AP3B1: variants seen among roughly 807,000 people sequenced by gnomAD.
AP3B1 encodes the protein adaptor related protein complex 3 subunit beta 1, also known as AP-3 complex subunit beta-1.
Under a neutral mutation model 132.5 loss-of-function variants are expected in AP3B1, and 61 were observed. The observed-to-expected ratio is 0.46, with a 90% CI of 0.37 to 0.57. AP3B1 has a LOEUF of 0.57. Among genes scored for constraint, AP3B1 ranks in the 20% least tolerant of loss-of-function variants. AP3B1 has a pLI of 0.00. For missense variants in AP3B1, 1,120 were observed against 1,289.4 expected, an observed-to-expected ratio of 0.87 and a Z score of 2.01; for synonymous variants, 388 against 438.3, an observed-to-expected ratio of 0.89 and a Z score of 1.43.
At chr5:78,201,227 T>C (rs1745276543) in intron 7 of AP3B1, among the ~76,000 whole-genome samples, 1 of 152,184 alleles carries the variant, frequency 6.6e-6, no homozygotes, top group Non-Finnish European at 1.5e-5. Flanking sequence ...ATAATACAAC[T>C]ACTTTGGGAA....
At chr5:78,077,361 A>G (rs541356510) in intron 22 of AP3B1, among the ~76,000 whole-genome samples, 12 of 152,086 alleles carry the variant, frequency 7.9e-5, no homozygotes, top group Non-Finnish European at 1.8e-4. Context: ...ACTGCCCCCC[A>G]TGAATCCCCA....
At chr5:78,186,100 G>GT (rs1230922832) in intron 7 of AP3B1, among the ~76,000 whole-genome samples, 1 of 152,040 alleles carries the variant, frequency 6.6e-6, no homozygotes, top group East Asian at 1.9e-4. Flanking sequence ...GACAAAGGCT[G>GT]GCAAAGTAGA....
At chr5:78,173,011 G>A (rs1362602954) in intron 11 of AP3B1, among the ~76,000 whole-genome samples, 3 of 152,080 alleles carry the variant, frequency 2.0e-5, no homozygotes, top group African/African-American at 4.8e-5. Flanking sequence ...CCTTCATTTC[G>A]TTATTTACCC....
intron 7 of AP3B1, among the ~76,000 whole-genome samples, chr5:78,209,095 T>TACACACAC (rs141012498): frequency 1.3e-5 from 2 of 149,956 alleles, no homozygotes; most frequent in African/African-American, 4.9e-5. Flanking sequence ...GAAAGGTAAA[T>TACACACAC]ACACACACAC....
At chr5:78,229,856 T>C (rs1746569607) in intron 3 of AP3B1, among the ~76,000 whole-genome samples, 1 of 152,206 alleles carries the variant, frequency 6.6e-6, no homozygotes, top group Non-Finnish European at 1.5e-5. Context: ...AACAGTACTA[T>C]ACTGGATCAT....
chr5:78,267,242 GACTA>G (rs1241512168), intron 2 of AP3B1, among the ~76,000 whole-genome samples: 16 of 151,972 alleles, frequency 1.1e-4, no homozygotes, highest in African/African-American at 3.4e-4. Flanking sequence ...TCTTCAAAAT[GACTA>G]ACTACCTCAT....
intron 1 of AP3B1, among the ~76,000 whole-genome samples, chr5:78,289,622 T>C (rs1749425258): frequency 6.6e-6 from 1 of 152,230 alleles, no homozygotes. Flanking sequence ...TATTTGCCCT[T>C]ACTCTACAAC....
chr5:78,162,213 T>A (rs1561448966), intron 13 of AP3B1, among the ~76,000 whole-genome samples: 2 of 152,142 alleles, frequency 1.3e-5, no homozygotes, highest in Non-Finnish European at 2.9e-5. Flanking sequence ...AACTGACGCT[T>A]TGCCACAGAA....
intron 22 of AP3B1, among the ~76,000 whole-genome samples, chr5:78,070,856 A>G (rs894952658): frequency 6.6e-6 from 1 of 152,238 alleles, no homozygotes; most frequent in Non-Finnish European, 1.5e-5. Context: ...CAAAACCACA[A>G]TGAGATACCA....
intron 1 of AP3B1, among the ~76,000 whole-genome samples, chr5:78,278,036 GT>G (rs1175291864): frequency 6.6e-6 from 1 of 152,122 alleles, no homozygotes; most frequent in Non-Finnish European, 1.5e-5. Context: ...CTTCTAGAAT[GT>G]GACTATTCAG....
chr5:78,238,818 A>G (rs1326595018), intron 3 of AP3B1, among the ~76,000 whole-genome samples: 2 of 151,770 alleles, frequency 1.3e-5, no homozygotes, highest in Non-Finnish European at 2.9e-5. Flanking sequence ...CTCAAATCTA[A>G]GCAGATCAAT....
intron 11 of AP3B1, among the ~76,000 whole-genome samples, chr5:78,166,428 C>T (rs1580432698): frequency 6.6e-6 from 1 of 152,190 alleles, no homozygotes; most frequent in Non-Finnish European, 1.5e-5. Context: ...CATGTTAATA[C>T]ATCTGCTTTC....
intron 22 of AP3B1, among the ~76,000 whole-genome samples, chr5:78,088,400 CT>C (rs1217407233): frequency 1.3e-5 from 2 of 152,150 alleles, no homozygotes; most frequent in African/African-American, 4.8e-5. Flanking sequence ...TTCACCTGTA[CT>C]TTCTGAGCGA....
intron 7 of AP3B1, among the ~76,000 whole-genome samples, chr5:78,191,526 T>C (rs1744834089): frequency 6.6e-6 from 1 of 152,100 alleles, no homozygotes; most frequent in Non-Finnish European, 1.5e-5. Context: ...TGGTTTAAAA[T>C]ATAAAATCTA....
At chr5:78,254,899 A>C (rs569514382) in intron 2 of AP3B1, among the ~76,000 whole-genome samples, 2 of 152,284 alleles carry the variant, frequency 1.3e-5, no homozygotes, top group African/African-American at 4.8e-5. Flanking sequence ...TTTTCAGGAC[A>C]TGGTACAATA....
At chr5:78,180,727 A>G (rs1425471798) in intron 8 of AP3B1, among the ~76,000 whole-genome samples, 2 of 152,026 alleles carry the variant, frequency 1.3e-5, no homozygotes, top group Admixed American at 1.3e-4. Flanking sequence ...AAATATATAT[A>G]TATGTATGTG....
intron 22 of AP3B1, among the ~76,000 whole-genome samples, chr5:78,060,226 C>T (rs942556288): frequency 1.3e-5 from 2 of 152,176 alleles, no homozygotes; most frequent in Non-Finnish European, 2.9e-5. Context: ...CTTAAGCATT[C>T]TGCAACCATT....
chr5:78,089,443 T>A lies in AP3B1; in HGVS notation c.2527A>T (p.Met843Leu). ...LPTPALSPSL[M>L]ADLEGLHLST... ...AAGTGTAAACCTTCAAGATCAGCCA[T>A]CAAACTTGGAGAAAGAGCTGGTGTG... Residue 843 changes from methionine to leucine, a missense_variant, in exon 22 of 27, where the codon ATG becomes TTG. By Grantham distance (15) the Met-to-Leu change is conservative. Around this residue, in one of 3 missense-constraint regions of AP3B1, gnomAD observed 906 missense variants for 997.1 expected, o/e 0.91. Coordinates refer to ENST00000255194, the MANE Select transcript of AP3B1 (RefSeq NM_003664.5). 6.2e-7 allele frequency: 1 copy of A among 1,613,522 alleles called. No individual in the cohort carries two copies. The highest frequency in any genetic ancestry group is 8.5e-7 in the Non-Finnish European group (1 of 1,179,568).
At chr5:78,083,408 G>C (rs1324349044) in intron 22 of AP3B1, among the ~76,000 whole-genome samples, 1 of 152,080 alleles carries the variant, frequency 6.6e-6, no homozygotes, top group Non-Finnish European at 1.5e-5. Context: ...AATACCAGAG[G>C]TGAACAAGTT....
Sources: gnomAD v4.1 joint callset for allele counts (sites outside exome capture counted in the v4.1 genomes callset) on GRCh38, gnomAD v4.1.1 for gene constraint, gnomAD v4.1.1 regional missense constraint, MANE v1.5 for transcripts, NCBI Gene and HGNC (gene_info 2026-07-23, HGNC 2026-07-21) for gene names.